SEM1: variants seen among roughly 807,000 people sequenced by gnomAD.
SEM1 encodes the protein SEM1 26S proteasome subunit, also known as 26S proteasome complex subunit SEM1.
A neutral mutation model predicts 12.7 loss-of-function variants in SEM1; 3 were observed. The ratio of observed to expected loss-of-function variants is 0.24; its 90% CI spans 0.11 to 0.61. SEM1 has a LOEUF of 0.61. Among genes scored for constraint, SEM1 ranks in the 20% least tolerant of loss-of-function variants. The probability of loss-of-function intolerance (pLI) is 0.88; values close to 1 mark genes in which losing one functional copy is unlikely to be tolerated. For synonymous variants in SEM1, 30 were observed against 27.8 expected (o/e 1.08, Z -0.25); for missense variants, 59 against 81.3 (o/e 0.73, Z 1.06).
At chr7:96,555,153 T>C (rs960536455) in intron 2 of SEM1, among the ~76,000 whole-genome samples, 1 of 110,184 alleles carries the variant, frequency 9.1e-6, no homozygotes, top group Non-Finnish European at 2.4e-5. Context: ...AACCAGCTCC[T>C]GGATTCATTA....
chr7:96,506,273 A>G (rs1301226449), intron 3 of SEM1, among the ~76,000 whole-genome samples: 1 of 152,150 alleles, frequency 6.6e-6, no homozygotes, highest in Non-Finnish European at 1.5e-5. Flanking sequence ...TTATATGGAC[A>G]CATTAATCTT....
At chr7:96,609,714 G>T (rs1336912188) in intron 2 of SEM1, among the ~76,000 whole-genome samples, 1 of 152,194 alleles carries the variant, frequency 6.6e-6, no homozygotes, top group Non-Finnish European at 1.5e-5. Context: ...GACCCTTCTT[G>T]TAAGAGAAGC....
intron 2 of SEM1, among the ~76,000 whole-genome samples, chr7:96,630,860 C>T (rs892595544): frequency 1.3e-5 from 2 of 151,470 alleles, no homozygotes; most frequent in African/African-American, 4.9e-5. Context: ...ATTAATCCTG[C>T]CAGGAGTAGG....
At chr7:96,592,951 A>C (rs1253753836) in intron 2 of SEM1, among the ~76,000 whole-genome samples, 1 of 149,520 alleles carries the variant, frequency 6.7e-6, no homozygotes, top group African/African-American at 2.5e-5. Flanking sequence ...CCGTCCTTGA[A>C]GCTCTAGAGA....
chr7:96,538,957 C>T (rs1464729832), intron 2 of SEM1, among the ~76,000 whole-genome samples: 1 of 151,864 alleles, frequency 6.6e-6, no homozygotes, highest in Admixed American at 6.6e-5. Flanking sequence ...TGAGAACCTG[C>T]TATGGTTGCT....
At chr7:96,561,193 T>A (rs10265699) in intron 2 of SEM1, among the ~76,000 whole-genome samples, 134,246 of 152,172 alleles carry the variant, frequency 0.88, 60,321 homozygotes, top group Non-Finnish European at 0.98. Context: ...TTTTATATTA[T>A]TTCAAGATAA....
intron 2 of SEM1, among the ~76,000 whole-genome samples, chr7:96,675,799 C>T (rs1489019248): frequency 1.3e-5 from 2 of 152,158 alleles, no homozygotes; most frequent in African/African-American, 4.8e-5. Flanking sequence ...GGACAGATGC[C>T]AAATCCTTTG....
chr7:96,505,910 T>C (rs1803741358), intron 3 of SEM1, among the ~76,000 whole-genome samples: 1 of 152,164 alleles, frequency 6.6e-6, no homozygotes, highest in Admixed American at 6.5e-5. Flanking sequence ...CATTGGCATA[T>C]AATATATAGG....
At chr7:96,551,072 G>T (rs1290838042) in intron 2 of SEM1, among the ~76,000 whole-genome samples, 1 of 152,060 alleles carries the variant, frequency 6.6e-6, no homozygotes, top group Non-Finnish European at 1.5e-5. Context: ...TGCTTATGAA[G>T]AATAAAAGGA....
At position 96,688,870 on chromosome 7, in the gene SEM1, C is replaced by T; in HGVS notation, c.*54G>A. On this transcript the variant is annotated 3_prime_UTR_variant, in exon 3 of 3. Transcript: ENST00000248566. ...AGTGTCCCATCCTGGGTTCTCTGCC[C>T]TAGAATGTATTAAGCAGGTCAAGTT... The T allele has an allele frequency of 8.9e-7, 1 of 1,120,136 alleles. No homozygotes were observed. The highest frequency in any genetic ancestry group is 1.8e-5 in the Admixed American group (1 of 55,970). 69.4% of individuals were successfully genotyped at this position (1,120,136 alleles called of 1,614,324 possible). A position where few individuals can be genotyped will look rare whatever the true frequency, so the allele number is the denominator to read the frequency against.
intron 2 of SEM1, among the ~76,000 whole-genome samples, chr7:96,540,191 T>G (rs528322794): frequency 1.3e-5 from 2 of 151,658 alleles, no homozygotes; most frequent in South Asian, 4.2e-4. Context: ...AACCTAATAT[T>G]TATTTTTTAA....
chr7:96,556,426 AT>A (rs1805503365), intron 2 of SEM1, among the ~76,000 whole-genome samples: 1 of 152,048 alleles, frequency 6.6e-6, no homozygotes, highest in African/African-American at 2.4e-5. Flanking sequence ...TCTATAAAGT[AT>A]TTTATTTCTC....
chr7:96,545,525 C>T (rs1805079565), intron 2 of SEM1, among the ~76,000 whole-genome samples: 1 of 152,018 alleles, frequency 6.6e-6, no homozygotes, highest in African/African-American at 2.4e-5. Flanking sequence ...TAGCACTTGG[C>T]TAGCACTAAG....
intron 2 of SEM1, among the ~76,000 whole-genome samples, chr7:96,659,913 C>CAAAAAAAAAAAAA (rs71529826): frequency 2.5e-4 from 17 of 66,690 alleles, no homozygotes; most frequent in African/African-American, 4.7e-4. Context: ...AGTAAGATGG[C>CAAAAAAAAAAAAA]AAAAAAAAAA....
chr7:96,658,123 G>T (rs1809242498), intron 2 of SEM1, among the ~76,000 whole-genome samples: 2 of 152,142 alleles, frequency 1.3e-5, no homozygotes, highest in African/African-American at 4.8e-5. Flanking sequence ...TTAGGCCGAT[G>T]AATCCCAAGT....
chr7:96,635,768 G>A (rs1167612442), intron 2 of SEM1, among the ~76,000 whole-genome samples: 2 of 151,992 alleles, frequency 1.3e-5, no homozygotes, highest in East Asian at 1.9e-4. Context: ...TGTCACTGAA[G>A]TGACATTTCA....
intron 2 of SEM1, among the ~76,000 whole-genome samples, chr7:96,522,732 C>A (rs540891591): frequency 3.3e-4 from 43 of 129,518 alleles, no homozygotes; most frequent in East Asian, 1.2e-3. Flanking sequence ...ACCCCCCCCC[C>A]AAAAAAAAAT....
At chr7:96,556,505 G>A (rs1006695757) in intron 2 of SEM1, among the ~76,000 whole-genome samples, 1 of 152,154 alleles carries the variant, frequency 6.6e-6, no homozygotes, top group Non-Finnish European at 1.5e-5. Context: ...CTTTAAGAAT[G>A]TTGAATATTG....
upstream of SEM1, among the ~76,000 whole-genome samples, chr7:96,497,341 T>C (rs530375560): frequency 6.6e-6 from 1 of 152,244 alleles, no homozygotes; most frequent in South Asian, 2.1e-4. Flanking sequence ...GATTTTAAAT[T>C]ATACAAAACT....
Sources: allele counts gnomAD v4.1 joint callset (sites outside exome capture counted in the v4.1 genomes callset), GRCh38; gene constraint gnomAD v4.1.1; transcripts MANE v1.5; gene names NCBI Gene and HGNC (gene_info 2026-07-23, HGNC 2026-07-21).